PIWIL1: variants seen among roughly 807,000 people sequenced by gnomAD.
PIWIL1 encodes the protein piwi-like protein 1.
PIWIL1 carries 73 observed loss-of-function variants against 114.4 expected under a neutral mutation model. That is an observed-to-expected ratio of 0.64 (90% CI 0.53 to 0.78). The LOEUF (loss-of-function observed/expected upper bound fraction) is 0.78, where lower values mean the gene tolerates loss of function less well. Among genes scored for constraint, PIWIL1 ranks in the 30% least tolerant of loss-of-function variants. The pLI is 0.00. For missense variants in PIWIL1, 723 were observed against 1,063.1 expected (o/e 0.68, Z 4.45); for synonymous variants, 375 against 369.0 (o/e 1.02, Z -0.19).
the PIWIL1 span, among the ~76,000 whole-genome samples, chr12:130,392,547 A>G: frequency 3.5e-5 from 2 of 57,802 alleles, no homozygotes; most frequent in Admixed American, 1.6e-4. Context: ...CCCAGTCACC[A>G]TCATCACGTG....
At chr12:130,408,405 C>A in the PIWIL1 span, among the ~76,000 whole-genome samples, 1 of 152,218 alleles carries the variant, frequency 6.6e-6, no homozygotes, top group Non-Finnish European at 1.5e-5. Flanking sequence ...TGGCATCCTT[C>A]CATTGTGGTT....
At position 130,342,671 on chromosome 12, in the gene PIWIL1, T is replaced by A. The variant is rs2072956299; in HGVS notation, c.78+2T>A. ...GCGCAGCTGGTGGGCTCCACTGCCG[T>A]GAGTGCTTCACCGTTTCTGACTACA... On this transcript the variant is annotated splice_donor_variant, in intron 2 of 20. Transcript: ENST00000245255. LOFTEE classifies it high-confidence loss of function. 1 of 1,608,810 alleles carries A rather than the reference T, an allele frequency of 6.2e-7. No homozygotes were observed. The highest frequency in any genetic ancestry group is 1.3e-5 in the African/African-American group (1 of 74,846).
intron 1 of PIWIL1, among the ~76,000 whole-genome samples, chr12:130,338,850 CGGGGTGCG>C (rs1482285219): frequency 6.2e-5 from 3 of 48,758 alleles, no homozygotes; most frequent in Non-Finnish European, 1.2e-4. Flanking sequence ...GCTGTAGGGC[CGGGGTGCG>C]GGGGTGCAGG....
At chr12:130,395,012 G>T in the PIWIL1 span, among the ~76,000 whole-genome samples, 1 of 152,130 alleles carries the variant, frequency 6.6e-6, no homozygotes, top group African/African-American at 2.4e-5. Context: ...GTTTTATTTG[G>T]CAGGGGAGGG....
the PIWIL1 span, chr12:130,407,911 A>C: frequency 5.5e-6 from 7 of 1,263,490 alleles, no homozygotes; most frequent in Non-Finnish European, 6.9e-6. Flanking sequence ...CGGGTCACAC[A>C]TGGCCAATAC....
the PIWIL1 span, chr12:130,424,382 C>T: frequency 9.7e-6 from 12 of 1,232,542 alleles, no homozygotes; most frequent in East Asian, 6.3e-5. This position sits in a 1 kb window ranked among gnomAD's most constrained non-coding sequence, Gnocchi z 9.8. Flanking sequence ...GCCGGGTCAG[C>T]GTCCGCCGCC....
At chr12:130,351,694 C>T (rs1013842512) in intron 9 of PIWIL1, 2 of 152,230 alleles carry the variant, frequency 1.3e-5, no homozygotes, top group African/African-American at 4.8e-5. Flanking sequence ...TCCGCACCTT[C>T]CCCTGCCTCC....
chr12:130,381,885 A>G, the PIWIL1 span, among the ~76,000 whole-genome samples: 1 of 152,126 alleles, frequency 6.6e-6, no homozygotes, highest in Non-Finnish European at 1.5e-5. Context: ...TTTACTTTGC[A>G]ATGCCCTGAG....
At chr12:130,424,207 T>C in the PIWIL1 span, 2 of 1,231,708 alleles carry the variant, frequency 1.6e-6, no homozygotes, top group East Asian at 3.2e-5. This position sits in a 1 kb window ranked among gnomAD's most constrained non-coding sequence, Gnocchi z 9.8. Flanking sequence ...CTGTCGGGCA[T>C]GGTTATGCTT....
the PIWIL1 span, chr12:130,414,617 G>A: frequency 4.2e-6 from 1 of 236,650 alleles, no homozygotes; most frequent in South Asian, 9.4e-5. Flanking sequence ...GGGCAGGATG[G>A]CCCATGCTGG....
intron 1 of PIWIL1, among the ~76,000 whole-genome samples, chr12:130,339,014 T>C (rs1041710259): frequency 2.0e-5 from 3 of 151,910 alleles, no homozygotes; most frequent in Non-Finnish European, 4.4e-5. Flanking sequence ...AGGAGGGCCT[T>C]CGGGACCTCC....
the PIWIL1 span, among the ~76,000 whole-genome samples, chr12:130,409,190 C>G: frequency 6.6e-6 from 1 of 152,138 alleles, no homozygotes; most frequent in African/African-American, 2.4e-5. Flanking sequence ...CACACACAGT[C>G]CAGAAACCCC....
the PIWIL1 span, among the ~76,000 whole-genome samples, chr12:130,410,515 G>A: frequency 6.6e-6 from 1 of 152,094 alleles, no homozygotes; most frequent in Non-Finnish European, 1.5e-5. Flanking sequence ...TTGAAACTAT[G>A]ATCCATTTTT....
chr12:130,400,269 T>A, the PIWIL1 span, among the ~76,000 whole-genome samples: 3 of 152,206 alleles, frequency 2.0e-5, no homozygotes, highest in Admixed American at 6.5e-5. Flanking sequence ...GCTTGAGCGC[T>A]ACTGGTCTAC....
At chr12:130,423,799 G>C in the PIWIL1 span, among the ~76,000 whole-genome samples, 1 of 146,740 alleles carries the variant, frequency 6.8e-6, no homozygotes, top group African/African-American at 2.5e-5. Flanking sequence ...AAATCCCTAA[G>C]GATCCCTGTG....
At chr12:130,401,138 CAG>C in the PIWIL1 span, among the ~76,000 whole-genome samples, 1 of 151,816 alleles carries the variant, frequency 6.6e-6, no homozygotes, top group African/African-American at 2.4e-5. Flanking sequence ...TAAATTGAGA[CAG>C]AGTCTCGCTC....
At chr12:130,404,108 AGAG>A in the PIWIL1 span, among the ~76,000 whole-genome samples, 3 of 152,186 alleles carry the variant, frequency 2.0e-5, no homozygotes, top group Admixed American at 1.3e-4. Flanking sequence ...ATATTGGTGA[AGAG>A]GAGGCAAAAT....
At chr12:130,344,074 T>C (rs575817431) in intron 3 of PIWIL1, among the ~76,000 whole-genome samples, 18 of 152,336 alleles carry the variant, frequency 1.2e-4, no homozygotes, top group African/African-American at 3.8e-4. Flanking sequence ...AGTGACAAAA[T>C]CAAGCTTTGG....
In PIWIL1 at chr12:130,356,971, A is replaced by G. The variant is rs937807609; in HGVS notation, c.1458A>G (p.Pro486=). Residue 486 remains proline, a synonymous_variant, in exon 13 of 21, where the codon CCA becomes CCG. Coordinates refer to ENST00000245255, the MANE Select transcript of PIWIL1 (RefSeq NM_004764.5). Reference sequence around the variant, plus strand: ...GGTCCAAAGAAACAAGAGGTGCACCATTAATTAGTGTTAAGCCACTAGATA... The same window carrying G: ...GGTCCAAAGAAACAAGAGGTGCACCGTTAATTAGTGTTAAGCCACTAGATA... ...ADWSKETRGA[P]LISVKPLDNW... 1 of 1,613,704 alleles carries G rather than the reference A, an allele frequency of 6.2e-7. No individual in the cohort carries two copies. Among genetic ancestry groups the G allele is most frequent in the Non-Finnish European group, 8.5e-7 (1 of 1,179,758 alleles).
Sources: gnomAD v4.1 joint callset for allele counts (sites outside exome capture counted in the v4.1 genomes callset) on GRCh38, gnomAD v4.1.1 for gene constraint, Gnocchi (gnomAD v3.1) non-coding constraint, MANE v1.5 for transcripts, NCBI Gene and HGNC (gene_info 2026-07-23, HGNC 2026-07-21) for gene names.